Variants in LRRTM4 observed in about 807,000 individuals in gnomAD.
The protein encoded by LRRTM4 is leucine rich repeat transmembrane neuronal 4.
Under a neutral mutation model 47.6 loss-of-function variants are expected in LRRTM4, and 25 were observed. The ratio of observed to expected loss-of-function variants is 0.53; its 90% CI spans 0.38 to 0.73. The LOEUF is 0.73. Ranked by LOEUF, LRRTM4 falls within the 30% of genes least tolerant of loss-of-function variation. The probability of loss-of-function intolerance (pLI) is 0.00; values close to 1 mark genes in which losing one functional copy is unlikely to be tolerated. For missense variants in LRRTM4, 638 were observed against 713.4 expected, an observed-to-expected ratio of 0.89 and a Z score of 1.20; for synonymous variants, 311 against 269.5, an observed-to-expected ratio of 1.15 and a Z score of -1.51.
At chr2:76,827,433 C>T (rs1671219941) in intron 3 of LRRTM4, among the ~76,000 whole-genome samples, 1 of 151,558 alleles carries the variant, frequency 6.6e-6, no homozygotes, top group Non-Finnish European at 1.5e-5. Context: ...CGTTTGAGTC[C>T]CCCTTAAAAC....
intron 3 of LRRTM4, among the ~76,000 whole-genome samples, chr2:77,176,850 G>C (rs1399554717): frequency 6.6e-6 from 1 of 152,144 alleles, no homozygotes; most frequent in Non-Finnish European, 1.5e-5. Flanking sequence ...GAAGAAGCCA[G>C]TCAAAACCTG....
chr2:77,067,768 A>G (rs1283889033), intron 3 of LRRTM4, among the ~76,000 whole-genome samples: 7 of 151,750 alleles, frequency 4.6e-5, no homozygotes, highest in African/African-American at 1.7e-4. Context: ...AGCAACAACA[A>G]TCCAATGTAT....
intron 3 of LRRTM4, among the ~76,000 whole-genome samples, chr2:77,168,591 T>A (rs1672956180): frequency 6.6e-6 from 1 of 152,152 alleles, no homozygotes; most frequent in Admixed American, 6.6e-5. Flanking sequence ...TATTTTGAAA[T>A]ATATGAGAAA....
At chr2:77,370,145 CT>C (rs1672607887) in intron 3 of LRRTM4, among the ~76,000 whole-genome samples, 1 of 151,606 alleles carries the variant, frequency 6.6e-6, no homozygotes, top group Non-Finnish European at 1.5e-5. Context: ...AAGGTTGTTG[CT>C]TGTGTTGAAG....
At chr2:76,983,795 A>G (rs952266674) in intron 3 of LRRTM4, among the ~76,000 whole-genome samples, 1 of 152,126 alleles carries the variant, frequency 6.6e-6, no homozygotes, top group East Asian at 1.9e-4. Context: ...CAGTGAGATT[A>G]AAAAATAAGG....
chr2:76,793,253 C>G (rs1334121015), intron 3 of LRRTM4, among the ~76,000 whole-genome samples: 1 of 152,094 alleles, frequency 6.6e-6, no homozygotes, highest in East Asian at 1.9e-4. Context: ...GTTCCTTGAC[C>G]TTTCCCAGTA....
At chr2:76,773,499 C>T (rs561625985) in intron 3 of LRRTM4, among the ~76,000 whole-genome samples, 1 of 152,180 alleles carries the variant, frequency 6.6e-6, no homozygotes, top group Admixed American at 6.5e-5. Context: ...AGTAAAATCA[C>T]ACATTTTTCA....
intron 3 of LRRTM4, among the ~76,000 whole-genome samples, chr2:76,964,494 G>GT (rs928938268): frequency 8.6e-5 from 13 of 150,912 alleles, no homozygotes; most frequent in Admixed American, 5.3e-4. Flanking sequence ...TTTACCAATT[G>GT]TTTTTTTCCT....
intron 3 of LRRTM4, among the ~76,000 whole-genome samples, chr2:76,896,749 T>C (rs566023353): frequency 4.6e-5 from 7 of 150,642 alleles, no homozygotes; most frequent in African/African-American, 1.2e-4. Flanking sequence ...CCAGAGTTTA[T>C]TGGACACTTT....
rs60749952 is a variant in LRRTM4 at position 77,320,765 on chromosome 2, A to C, written c.1551+197553T>G. On this transcript the variant is annotated intron_variant, in intron 3 of 3. Coordinates refer to ENST00000409884, the MANE Select transcript of LRRTM4 (RefSeq NM_001134745.3). ...TATTATTTAAAAATATTAAATACACAGAGAAAAAAATGTATTACCAAACTG... is the reference window on the plus strand; with the variant it reads ...TATTATTTAAAAATATTAAATACACCGAGAAAAAAATGTATTACCAAACTG... Among the ~76,000 whole-genome samples, 343 of 152,196 alleles carry C rather than the reference A, an allele frequency of 2.3e-3. 3 individuals carry two copies. The highest frequency in any genetic ancestry group is 7.7e-3 in the African/African-American group (318 of 41,542).
chr2:77,353,328 A>G (rs1045414694), intron 3 of LRRTM4, among the ~76,000 whole-genome samples: 2 of 152,232 alleles, frequency 1.3e-5, no homozygotes, highest in Admixed American at 6.5e-5. Flanking sequence ...TGCTACTCTC[A>G]GCACACTGCC....
intron 3 of LRRTM4, among the ~76,000 whole-genome samples, chr2:77,473,025 T>C (rs1677250631): frequency 6.6e-6 from 1 of 152,124 alleles, no homozygotes; most frequent in African/African-American, 2.4e-5. Flanking sequence ...ATACAAAAAT[T>C]AAACCTGGAA....
intron 3 of LRRTM4, among the ~76,000 whole-genome samples, chr2:77,364,719 G>A (rs760334277): frequency 2.0e-5 from 3 of 152,020 alleles, no homozygotes; most frequent in Admixed American, 6.6e-5. Flanking sequence ...AATCCATTCC[G>A]ATAAATACTA....
chr2:77,370,371 A>G (rs1207175788), intron 3 of LRRTM4, among the ~76,000 whole-genome samples: 1 of 151,794 alleles, frequency 6.6e-6, no homozygotes, highest in African/African-American at 2.4e-5. Context: ...GTTTCAGCAT[A>G]ATAACTACTG....
At chr2:76,942,673 A>AGTGTGTGTGTGTGT (rs1558753067) in intron 3 of LRRTM4, among the ~76,000 whole-genome samples, 11 of 77,592 alleles carry the variant, frequency 1.4e-4, no homozygotes, top group Admixed American at 7.4e-4. Flanking sequence ...AACCTCTAGG[A>AGTGTGTGTGTGTGT]ATCTGTGTGT....
intron 3 of LRRTM4, among the ~76,000 whole-genome samples, chr2:77,158,119 G>A (rs999884180): frequency 1.3e-5 from 2 of 152,136 alleles, no homozygotes; most frequent in Non-Finnish European, 2.9e-5. Flanking sequence ...TTATGGAGAG[G>A]GAGGGAGGAG....
intron 3 of LRRTM4, among the ~76,000 whole-genome samples, chr2:76,818,122 C>T (rs560116292): frequency 2.8e-4 from 42 of 151,964 alleles, no homozygotes; most frequent in African/African-American, 8.4e-4. Flanking sequence ...GTGAATTAGT[C>T]GTTGTAATAT....
At chr2:77,496,555 C>T (rs938583899) in intron 3 of LRRTM4, among the ~76,000 whole-genome samples, 30 of 151,688 alleles carry the variant, frequency 2.0e-4, no homozygotes, top group Admixed American at 1.3e-3. Flanking sequence ...TTTTCTCAAA[C>T]GCTTTGTCTG....
intron 3 of LRRTM4, among the ~76,000 whole-genome samples, chr2:77,305,360 G>GAATTTA (rs1479417389): frequency 2.0e-5 from 3 of 152,052 alleles, no homozygotes; most frequent in South Asian, 2.1e-4. Context: ...TAAGAGATGT[G>GAATTTA]CTTGAATTTA....
Sources: gnomAD v4.1 joint callset for allele counts (sites outside exome capture counted in the v4.1 genomes callset) on GRCh38, gnomAD v4.1.1 for gene constraint, MANE v1.5 for transcripts, NCBI Gene and HGNC (gene_info 2026-07-23, HGNC 2026-07-21) for gene names.